PCDHGB2: variants seen among roughly 807,000 people sequenced by gnomAD.
The protein encoded by PCDHGB2 is protocadherin gamma-B2.
A neutral mutation model predicts 59.3 loss-of-function variants in PCDHGB2; 55 were observed. That is an observed-to-expected ratio of 0.93 (90% CI 0.75 to 1.16). PCDHGB2 has a LOEUF of 1.16. Among genes scored for constraint, PCDHGB2 ranks in the 50% most tolerant of loss-of-function variants. The pLI is 0.00. For missense variants in PCDHGB2, 1,228 were observed against 1,198.5 expected (o/e 1.02, Z -0.36); for synonymous variants, 516 against 512.0 (o/e 1.01, Z -0.11).
chr5:141,496,081 C>A (rs976166091), intron 2 of PCDHGB2, among the ~76,000 whole-genome samples: 1 of 152,060 alleles, frequency 6.6e-6, no homozygotes, highest in Non-Finnish European at 1.5e-5. Flanking sequence ...CACAACCCCC[C>A]ACCCACCACC....
In PCDHGB2 at chr5:141,491,867, T is replaced by A. The variant is rs1424221139; in HGVS notation, c.2422-2940T>A. On this transcript the variant is annotated intron_variant, in intron 1 of 3. Transcript: ENST00000522605. The surrounding 1 kb of genome is among the most constrained non-coding windows in gnomAD (Gnocchi z 6.9). ...TTGGACCGTTTGCGCGAAACCAGAG[T>A]GGCCGATTAAGGGATGGGGCTCCGA... 6.9e-7 allele frequency: 1 copy of A among 1,452,218 alleles called. No homozygotes were observed. The highest frequency in any genetic ancestry group is 9.1e-7 in the Non-Finnish European group (1 of 1,099,056). The allele number at this position is 1,452,218 out of a possible 1,614,324, so 90.0% of individuals were successfully genotyped here. A position where few individuals can be genotyped will look rare whatever the true frequency, so the allele number is the denominator to read the frequency against.
At chr5:141,423,256 G>C (rs751894091) in intron 1 of PCDHGB2, 1 of 1,613,934 alleles carries the variant, frequency 6.2e-7, no homozygotes. Flanking sequence ...GGCGGACCTC[G>C]GCAGCCTCGA....
chr5:141,417,701 C>T (rs1382264857), intron 1 of PCDHGB2: 1 of 1,192,516 alleles, frequency 8.4e-7, no homozygotes, highest in Admixed American at 3.0e-5. Flanking sequence ...CCAGCTCCCA[C>T]ACAGAGGCTC....
chr5:141,417,821 A>G (rs769813917), intron 1 of PCDHGB2: 1 of 1,514,942 alleles, frequency 6.6e-7, no homozygotes, highest in African/African-American at 1.4e-5. Flanking sequence ...ACTTTCTCCA[A>G]CTGGAAAAGC....
At chr5:141,399,062 C>T in intron 1 of PCDHGB2, 1 of 1,613,790 alleles carries the variant, frequency 6.2e-7, no homozygotes, top group Non-Finnish European at 8.5e-7. Context: ...AAGGAATATT[C>T]AATGGTTGTA....
intron 1 of PCDHGB2, among the ~76,000 whole-genome samples, chr5:141,445,920 A>C (rs1343777309): frequency 6.6e-6 from 1 of 152,212 alleles, no homozygotes; most frequent in African/African-American, 2.4e-5. Context: ...GGCAGTGACA[A>C]GATATTTGAA....
Position 141,485,795 on chromosome 5 carries a change from T to G in PCDHGB2, c.2422-9012T>G, listed in dbSNP as rs1225630684. On this transcript the variant is annotated intron_variant, in intron 1 of 3. Coordinates refer to ENST00000522605, the MANE Select transcript of PCDHGB2 (RefSeq NM_018923.3). The surrounding 1 kb of genome is among the most constrained non-coding windows in gnomAD (Gnocchi z 5.7). ...TTTGGATCGAGAGAAGCAATCGGAC[T>G]ACCGCCTGGTGCTGACTGCTGTCGA... 16 of 1,614,092 alleles carry G rather than the reference T, an allele frequency of 9.9e-6. No individual in the cohort carries two copies. The highest frequency in any genetic ancestry group is 1.1e-5 in the Non-Finnish European group (13 of 1,180,046).
At chr5:141,395,067 AC>A (rs1479370833) in intron 1 of PCDHGB2, 1 of 1,613,888 alleles carries the variant, frequency 6.2e-7, no homozygotes, top group African/African-American at 1.3e-5. Flanking sequence ...TTTCCTGCAG[AC>A]CTATTCCCAG....
At position 141,470,884 on chromosome 5, in the gene PCDHGB2, G is replaced by T. The variant is rs2099243316; in HGVS notation, c.2422-23923G>T. 3.3e-5 allele frequency among the ~76,000 whole-genome samples: 5 copies of T among 151,648 alleles called. No individual in the cohort carries two copies. In the South Asian group the frequency reaches 1.0e-3, roughly 32 times the overall value. On this transcript the variant is annotated intron_variant, in intron 1 of 3. Coordinates refer to ENST00000522605, the MANE Select transcript of PCDHGB2 (RefSeq NM_018923.3). ...TTTGTTTGTTTGTTTTTTTGTTTTT[G>T]TTTTTGTTTTTTGTAGAGATGGGAC...
At position 141,388,927 on chromosome 5, in the gene PCDHGB2, A is replaced by G. The variant is rs772950330; in HGVS notation, c.2421+26371A>G. 7 of 1,614,064 alleles carry G rather than the reference A, an allele frequency of 4.3e-6. No individual in the cohort carries two copies. Among genetic ancestry groups the G allele is most frequent in the Non-Finnish European group, 5.1e-6 (6 of 1,179,890 alleles). Reference sequence around the variant, plus strand: ...GACAACGCCCCAGAAGTGATATTCCAGTCTCTACCCAACCTAATTATGGAG... The same window carrying G: ...GACAACGCCCCAGAAGTGATATTCCGGTCTCTACCCAACCTAATTATGGAG... On this transcript the variant is annotated intron_variant, in intron 1 of 3. Coordinates refer to ENST00000522605, the MANE Select transcript of PCDHGB2 (RefSeq NM_018923.3).
chr5:141,400,023 C>A (rs755667675), intron 1 of PCDHGB2: 38 of 1,612,754 alleles, frequency 2.4e-5, no homozygotes, highest in Non-Finnish European at 3.2e-5. Flanking sequence ...GCGACAGGGA[C>A]GCGGCCCGCC....
At chr5:141,394,782 A>T (rs779984453) in intron 1 of PCDHGB2, 1 of 1,613,558 alleles carries the variant, frequency 6.2e-7, no homozygotes. Flanking sequence ...TCTCTCCGCC[A>T]CTGTCACGCT....
chr5:141,511,560 TC>T lies in PCDHGB2; in HGVS notation c.*390del. ...CCACCCCACTCCAACAGTTCCTCTT[TC>T]CCGAGTAAGGTGGTTGGGGTGTTGA... On this transcript the variant is annotated 3_prime_UTR_variant, in exon 4 of 4. Transcript: ENST00000522605. 3.3e-6 allele frequency: 1 copy of T among 298,990 alleles called. No individual in the cohort carries two copies. The highest frequency in any genetic ancestry group is 3.7e-5 in the South Asian group (1 of 27,250). The allele number at this position is 298,990 out of a possible 1,614,324, so 18.5% of individuals were successfully genotyped here. A position where few individuals can be genotyped will look rare whatever the true frequency, so the allele number is the denominator to read the frequency against.
At chr5:141,374,220 G>A (rs775122429) in intron 1 of PCDHGB2, 1 of 1,613,984 alleles carries the variant, frequency 6.2e-7, no homozygotes, top group Non-Finnish European at 8.5e-7. Context: ...TCCTTCGTAG[G>A]CAACATCGTC....
At chr5:141,457,555 C>A (rs1425159883) in intron 1 of PCDHGB2, among the ~76,000 whole-genome samples, 2 of 152,168 alleles carry the variant, frequency 1.3e-5, no homozygotes. Context: ...GTATGATAAG[C>A]TTTGGAGCAA....
intron 1 of PCDHGB2, among the ~76,000 whole-genome samples, chr5:141,483,644 G>GTGTT (rs919432945): frequency 6.8e-6 from 1 of 146,522 alleles, no homozygotes; most frequent in Non-Finnish European, 1.5e-5. Flanking sequence ...AGAGGGGTGT[G>GTGTT]TGTTTGTGTG....
At chr5:141,366,369 C>A in intron 1 of PCDHGB2, 2 of 1,614,106 alleles carry the variant, frequency 1.2e-6, no homozygotes, top group Non-Finnish European at 1.7e-6. Context: ...AGTATCAAGA[C>A]CCCCATTGAC....
At chr5:141,500,260 C>G (rs2099798502) in intron 2 of PCDHGB2, among the ~76,000 whole-genome samples, 3 of 151,104 alleles carry the variant, frequency 2.0e-5, no homozygotes, top group African/African-American at 2.4e-5. Flanking sequence ...CCAGGCTGGA[C>G]TGCAGTGGCG....
chr5:141,480,371 C>T (rs1562080299), intron 1 of PCDHGB2, among the ~76,000 whole-genome samples: 1 of 151,908 alleles, frequency 6.6e-6, no homozygotes, highest in African/African-American at 2.4e-5. Flanking sequence ...GCTGTGATTG[C>T]ACCACTACAC....
Sources: gnomAD v4.1 joint callset for allele counts (sites outside exome capture counted in the v4.1 genomes callset) on GRCh38, gnomAD v4.1.1 for gene constraint, Gnocchi (gnomAD v3.1) non-coding constraint, MANE v1.5 for transcripts, NCBI Gene and HGNC (gene_info 2026-07-23, HGNC 2026-07-21) for gene names.